Variants in SETBP1 observed in about 807,000 individuals in gnomAD.
The protein encoded by SETBP1 is SET binding protein 1.
Under a neutral mutation model 101.0 loss-of-function variants are expected in SETBP1, and 9 were observed. That is an observed-to-expected ratio of 0.09 (90% CI 0.05 to 0.16). The LOEUF (loss-of-function observed/expected upper bound fraction) is 0.16, where lower values mean the gene tolerates loss of function less well. SETBP1 is among the 10% of genes least tolerant of loss of function. The pLI is 1.00. For synonymous variants in SETBP1, 818 were observed against 788.5 expected, an observed-to-expected ratio of 1.04 and a Z score of -0.63; for missense variants, 1,858 against 2,033.8, an observed-to-expected ratio of 0.91 and a Z score of 1.66.
At chr18:45,025,275 C>T (rs190298274) in intron 4 of SETBP1, among the ~76,000 whole-genome samples, 13 of 152,230 alleles carry the variant, frequency 8.5e-5, no homozygotes, top group East Asian at 5.8e-4. Flanking sequence ...GTGAAGTAAG[C>T]GAGGATGAGT....
chr18:44,989,697 G>A (rs1443541104), intron 4 of SETBP1, among the ~76,000 whole-genome samples: 4 of 150,630 alleles, frequency 2.7e-5, no homozygotes, highest in Admixed American at 6.6e-5. Flanking sequence ...GTGAAACCCC[G>A]TCTCTACTAA....
intron 3 of SETBP1, among the ~76,000 whole-genome samples, chr18:44,938,209 C>T (rs2145032448): frequency 6.6e-6 from 1 of 152,306 alleles, no homozygotes; most frequent in Non-Finnish European, 1.5e-5. Flanking sequence ...GGCTTCCCTC[C>T]TCTGGGGAGG....
chr18:45,038,509 T>C lies in SETBP1; in HGVS notation c.4025T>C (p.Val1342Ala). 6.2e-7 allele frequency: 1 copy of C among 1,614,088 alleles called. No individual in the cohort carries two copies. Among genetic ancestry groups the C allele is most frequent in the East Asian group, 2.2e-5 (1 of 44,872 alleles). ...SPGMPSPHLKVDQTAVHSKNE... is the reference protein window; with the variant it reads ...SPGMPSPHLKADQTAVHSKNE... ...GGGATGCCAAGTCCCCACTTAAAAG[T>C]GGACCAGACAGCAGTGCATAGTAAG... Residue 1342 changes from valine (V) to alanine (A), a missense_variant, in exon 5 of 6, where the codon GTG becomes GCG. Physicochemically the swap from Val to Ala is moderately conservative, Grantham distance 64. Coordinates refer to ENST00000649279, the MANE Select transcript of SETBP1 (RefSeq NM_015559.3).
intron 4 of SETBP1, among the ~76,000 whole-genome samples, chr18:45,022,628 G>C (rs1183610559): frequency 1.3e-5 from 2 of 152,128 alleles, no homozygotes; most frequent in East Asian, 3.9e-4. Flanking sequence ...TCAGGGGTTC[G>C]AGACCAGCCT....
intron 4 of SETBP1, among the ~76,000 whole-genome samples, chr18:45,035,902 C>T (rs1288231551): frequency 6.6e-6 from 1 of 152,152 alleles, no homozygotes; most frequent in African/African-American, 2.4e-5. Context: ...TTTTTAGCAG[C>T]CAAGTTGTGA....
chr18:44,948,240 C>G (rs2071254568), intron 3 of SETBP1, among the ~76,000 whole-genome samples: 1 of 152,180 alleles, frequency 6.6e-6, no homozygotes, highest in African/African-American at 2.4e-5. Context: ...CTTGAGGAAA[C>G]TATCTCATGA....
At chr18:44,837,357 G>A (rs1432341438) in intron 2 of SETBP1, among the ~76,000 whole-genome samples, 2 of 152,138 alleles carry the variant, frequency 1.3e-5, no homozygotes, top group African/African-American at 4.8e-5. Context: ...TATCAACATT[G>A]TGATTTCATC....
Position 44,690,410 on chromosome 18 carries a change from C to T in SETBP1, c.-173+9389C>T, listed in dbSNP as rs533467099. The stretch of plus-strand genomic sequence containing the variant: ...TGAACAAAGCAATGGCTTAATCAGA[C>T]GGTTGAGAAGTCAAGGAATTTGAAT... On this transcript the variant is annotated intron_variant, in intron 1 of 5. Coordinates refer to ENST00000649279, the MANE Select transcript of SETBP1 (RefSeq NM_015559.3). Among the ~76,000 whole-genome samples the T allele has an allele frequency of 2.2e-4, 33 of 152,302 alleles. 1 individual carries two copies. The highest frequency in any genetic ancestry group is 3.9e-4 in the East Asian group (2 of 5,184).
intron 3 of SETBP1, among the ~76,000 whole-genome samples, chr18:44,946,822 A>G (rs1377949920): frequency 1.3e-5 from 2 of 152,206 alleles, no homozygotes; most frequent in Admixed American, 6.5e-5. Flanking sequence ...ACACAAATAA[A>G]TGCCACCTAG....
intron 3 of SETBP1, among the ~76,000 whole-genome samples, chr18:44,883,935 T>C (rs2069585496): frequency 6.6e-6 from 1 of 152,234 alleles, no homozygotes; most frequent in South Asian, 2.1e-4. Flanking sequence ...ATTTCTCTTT[T>C]ATGTACAAAA....
intron 2 of SETBP1, among the ~76,000 whole-genome samples, chr18:44,711,108 G>C (rs1366240177): frequency 1.3e-5 from 2 of 152,290 alleles, no homozygotes; most frequent in African/African-American, 4.8e-5. Flanking sequence ...TGCAAGCTGA[G>C]GCCGCCATCT....
chr18:44,944,340 A>G (rs1259959837), intron 3 of SETBP1, among the ~76,000 whole-genome samples: 1 of 152,206 alleles, frequency 6.6e-6, no homozygotes, highest in African/African-American at 2.4e-5. Flanking sequence ...ATCACCAAAA[A>G]TTGCTGTGAA....
intron 2 of SETBP1, among the ~76,000 whole-genome samples, chr18:44,820,808 T>C (rs1305533927): frequency 6.6e-6 from 1 of 152,186 alleles, no homozygotes; most frequent in Admixed American, 6.5e-5. Context: ...ACACTTGTCT[T>C]ATGGACTGAT....
chr18:45,034,409 C>A (rs529979798), intron 4 of SETBP1, among the ~76,000 whole-genome samples: 1 of 152,080 alleles, frequency 6.6e-6, no homozygotes, highest in South Asian at 2.1e-4. Context: ...ATCCATAAAT[C>A]AAGTCCCTAA....
intron 3 of SETBP1, among the ~76,000 whole-genome samples, chr18:44,909,715 T>A (rs549557621): frequency 5.9e-5 from 9 of 152,346 alleles, no homozygotes; most frequent in Non-Finnish European, 1.0e-4. Flanking sequence ...TTATCCTGAT[T>A]CTACAGATGA....
chr18:44,981,539 A>G (rs1000172031), intron 4 of SETBP1, among the ~76,000 whole-genome samples: 4 of 152,236 alleles, frequency 2.6e-5, no homozygotes, highest in African/African-American at 9.6e-5. Flanking sequence ...TGCAGATTGC[A>G]CAATATAGAG....
At chr18:44,828,036 C>A (rs2072273155) in intron 2 of SETBP1, among the ~76,000 whole-genome samples, 1 of 152,230 alleles carries the variant, frequency 6.6e-6, no homozygotes, top group South Asian at 2.1e-4. Flanking sequence ...TTTCAAAACA[C>A]AAACTTGACT....
intron 2 of SETBP1, among the ~76,000 whole-genome samples, chr18:44,720,561 C>G (rs2069564473): frequency 6.6e-6 from 1 of 152,144 alleles, no homozygotes; most frequent in African/African-American, 2.4e-5. Context: ...ACTTGTCTGG[C>G]TTTTGGGGAA....
chr18:44,952,003 C>T lies in SETBP1; in HGVS notation c.2663C>T (p.Ser888Phe). The change falls in exon 4 of 6, where the codon TCC (serine) becomes TTC (phenylalanine). Residue 888 changes from serine to phenylalanine, a missense_variant. Physicochemically the swap from Ser to Phe is radical, Grantham distance 155 (BLOSUM62 -2). Around this residue, in one of 12 missense-constraint regions of SETBP1, gnomAD observed 255 missense variants for 300.1 expected, o/e 0.85. Coordinates refer to ENST00000649279, the MANE Select transcript of SETBP1 (RefSeq NM_015559.3). ...TSDQAEKSSESRRRYSFDFCS... is the reference protein window; with the variant it reads ...TSDQAEKSSEFRRRYSFDFCS... Reference sequence around the variant, plus strand: ...GACCAAGCGGAGAAGAGCTCAGAATCCCGAAGGAGGTACTCTTTTGATTTC... The same window carrying T: ...GACCAAGCGGAGAAGAGCTCAGAATTCCGAAGGAGGTACTCTTTTGATTTC... The T allele has an allele frequency of 6.2e-7, 1 of 1,613,998 alleles. No homozygotes were observed. The highest frequency in any genetic ancestry group is 8.5e-7 in the Non-Finnish European group (1 of 1,180,000).
Sources: gnomAD v4.1 joint callset for allele counts (sites outside exome capture counted in the v4.1 genomes callset) on GRCh38, gnomAD v4.1.1 for gene constraint, gnomAD v4.1.1 regional missense constraint, MANE v1.5 for transcripts, NCBI Gene and HGNC (gene_info 2026-07-23, HGNC 2026-07-21) for gene names.